FHDC1: variants seen among roughly 807,000 people sequenced by gnomAD.
The protein encoded by FHDC1 is FH2 domain-containing protein 1.
A neutral mutation model predicts 52.6 loss-of-function variants in FHDC1; 25 were observed. The ratio of observed to expected loss-of-function variants is 0.48; its 90% CI spans 0.35 to 0.66. FHDC1 has a LOEUF of 0.66. Among genes scored for constraint, FHDC1 ranks in the 30% least tolerant of loss-of-function variants. FHDC1 has a pLI of 0.01. For missense variants in FHDC1, 1,459 were observed against 1,452.8 expected (o/e 1.00, Z -0.07); for synonymous variants, 616 against 581.5 (o/e 1.06, Z -0.85).
intron 11 of FHDC1, among the ~76,000 whole-genome samples, chr4:152,974,357 TG>T (rs1319071908): frequency 1.3e-5 from 2 of 151,344 alleles, no homozygotes; most frequent in African/African-American, 4.8e-5. Context: ...AGCAGTGCCT[TG>T]GCTGGAAAGC....
intron 4 of FHDC1, 71 bp from the exon 5 acceptor site, chr4:152,960,494 T>A (rs917498928): frequency 7.8e-7 from 1 of 1,276,180 alleles, no homozygotes; most frequent in Non-Finnish European, 1.1e-6. Flanking sequence ...AATTGGAAGA[T>A]GAAATTTAAA....
chr4:152,917,239 G>A, the FHDC1 span, among the ~76,000 whole-genome samples: 2 of 152,032 alleles, frequency 1.3e-5, no homozygotes, highest in African/African-American at 4.8e-5. Flanking sequence ...TTGTAAATTA[G>A]CATATACTAC....
chr4:152,946,758 T>C (rs1739745482), intron 2 of FHDC1, among the ~76,000 whole-genome samples: 1 of 152,148 alleles, frequency 6.6e-6, no homozygotes, highest in African/African-American at 2.4e-5. Flanking sequence ...CCTTGAAATA[T>C]CATAACCTCC....
intron 6 of FHDC1, 21 bp from the exon 7 acceptor site, chr4:152,962,793 G>A (rs1740316874): frequency 6.2e-7 from 1 of 1,608,974 alleles, no homozygotes; most frequent in Non-Finnish European, 8.5e-7. Flanking sequence ...CTAAGGTGCT[G>A]TGATGTGTTC....
Position 152,975,835 on chromosome 4 carries a change from G to A in FHDC1, c.2544G>A (p.Leu848=), listed in dbSNP as rs779914313. 1 of 1,518,540 alleles carries A rather than the reference G, an allele frequency of 6.6e-7. No homozygotes were observed. The highest frequency in any genetic ancestry group is 8.8e-7 in the Non-Finnish European group (1 of 1,134,976). The allele number at this position is 1,518,540 out of a possible 1,614,324, so 94.1% of individuals were successfully genotyped here. A position where few individuals can be genotyped will look rare whatever the true frequency, so the allele number is the denominator to read the frequency against. ...GTGAGCCCAGCTGCAAGGGCGGCCT[G>A]CCCAGGGACAAACCCACCAAAAGGA... ...VDSEPSCKGG[L]PRDKPTKRKD... is the part of the protein sequence containing the mutation. The change falls in exon 12 of 12, where the codon CTG becomes CTA. Residue 848 remains leucine (L), a synonymous_variant. Transcript: ENST00000511601.
chr4:152,926,015 AG>A, the FHDC1 span, among the ~76,000 whole-genome samples: 1 of 152,118 alleles, frequency 6.6e-6, no homozygotes, highest in South Asian at 2.1e-4. Context: ...GGAAAAACAG[AG>A]GTTTCTCCCC....
intron 11 of FHDC1, 85 bp downstream of exon 11, chr4:152,972,626 A>G: frequency 6.9e-7 from 1 of 1,446,142 alleles, no homozygotes; most frequent in Non-Finnish European, 9.2e-7. Context: ...CACCACAGAA[A>G]GGCACTTTGC....
At chr4:152,967,866 A>G (rs2149956972) in intron 9 of FHDC1, 114 bp from the exon 10 acceptor site, 2 of 713,224 alleles carry the variant, frequency 2.8e-6, no homozygotes, top group Middle Eastern at 3.3e-4. Context: ...ATATCATCAC[A>G]GTAGCTCTCC....
At chr4:152,956,553 T>C (rs1740090347) in intron 4 of FHDC1, among the ~76,000 whole-genome samples, 1 of 152,168 alleles carries the variant, frequency 6.6e-6, no homozygotes, top group Non-Finnish European at 1.5e-5. Context: ...TGTGGGGGTA[T>C]AATTCAAAAG....
chr4:152,954,669 AGAGT>A (rs35192817), intron 4 of FHDC1, among the ~76,000 whole-genome samples: 7,664 of 152,100 alleles, frequency 0.05, 329 homozygotes, highest in East Asian at 0.12. Context: ...CCTGGGCAAC[AGAGT>A]GAGAATCTGT....
At chr4:152,949,176 A>C (rs986609685) in intron 2 of FHDC1, among the ~76,000 whole-genome samples, 5 of 147,038 alleles carry the variant, frequency 3.4e-5, no homozygotes, top group Non-Finnish European at 4.5e-5. Flanking sequence ...GAAGAAGCAG[A>C]AGAAGAAAAT....
At position 152,954,279 on chromosome 4, in the gene FHDC1, C is replaced by G; in HGVS notation, c.623C>G (p.Thr208Ser). ...QGKSEHYGSE[T>S]LREFLKFLPE... is the part of the protein sequence containing the mutation. ...AAAAGTGAGCATTATGGATCAGAGA[C>G]CTTGCGAGAATTTCTTAAGTTTTTG... The change falls in exon 4 of 12, where the codon ACC (threonine) becomes AGC (serine). Residue 208 changes from threonine to serine, a missense_variant. Physicochemically the swap from Thr to Ser is moderately conservative, Grantham distance 58 (BLOSUM62 1). Transcript: ENST00000511601. 6.2e-7 allele frequency: 1 copy of G among 1,614,118 alleles called. No individual in the cohort carries two copies. The highest frequency in any genetic ancestry group is 2.2e-5 in the East Asian group (1 of 44,882).
chr4:152,975,975 C>T lies in FHDC1; in HGVS notation c.2684C>T (p.Thr895Ile). The T allele has an allele frequency of 6.6e-7, 1 of 1,522,776 alleles. No individual in the cohort carries two copies. The highest frequency in any genetic ancestry group is 8.8e-7 in the Non-Finnish European group (1 of 1,137,568). The allele number at this position is 1,522,776 out of a possible 1,614,324, so 94.3% of individuals were successfully genotyped here. A position where few individuals can be genotyped will look rare whatever the true frequency, so the allele number is the denominator to read the frequency against. ...GAVAKSVRTLTASENESMRKV... is the reference protein window; with the variant it reads ...GAVAKSVRTLIASENESMRKV... Reference sequence around the variant, plus strand: ...GTGGCCAAGTCTGTGCGGACCCTGACCGCCTCAGAGAACGAGAGCATGCGC... The same window carrying T: ...GTGGCCAAGTCTGTGCGGACCCTGATCGCCTCAGAGAACGAGAGCATGCGC... The change falls in exon 12 of 12, where the codon ACC becomes ATC. Residue 895 changes from threonine to isoleucine, a missense_variant. Thr to Ile is a moderately conservative substitution (Grantham distance 89). Transcript: ENST00000511601.
Position 152,974,931 on chromosome 4 carries a change from C to T in FHDC1, c.1640C>T (p.Ala547Val), listed in dbSNP as rs371051725. 3 of 1,612,252 alleles carry T rather than the reference C, an allele frequency of 1.9e-6. No homozygotes were observed. Among genetic ancestry groups the T allele is most frequent in the Non-Finnish European group, 2.5e-6 (3 of 1,179,860 alleles). Residue 547 changes from alanine to valine, a missense_variant, in exon 12 of 12, where the codon GCT (alanine) becomes GTT (valine). Ala to Val is a moderately conservative substitution (Grantham distance 64). This residue lies in a region of FHDC1 where 939 missense variants were observed against 854.5 expected (regional missense o/e 1.10). Transcript: ENST00000511601. ...TCCCGCCTCTCCCTGGGTCCCTCTG[C>T]TGACCGGGAGCTGCTGACCTTCTTG... ...RRSRLSLGPS[A>V]DRELLTFLES...
At chr4:152,922,858 C>T in the FHDC1 span, among the ~76,000 whole-genome samples, 55 of 151,228 alleles carry the variant, frequency 3.6e-4, 1 homozygote, top group East Asian at 9.3e-3. Context: ...GGACATATCT[C>T]AAAATAATAA....
chr4:152,971,981 T>C (rs1236374801), intron 10 of FHDC1, among the ~76,000 whole-genome samples: 2 of 152,070 alleles, frequency 1.3e-5, no homozygotes, highest in Non-Finnish European at 2.9e-5. Flanking sequence ...TAAAGTAAAC[T>C]CTTGACCAGT....
At position 152,976,211 on chromosome 4, in the gene FHDC1, C is replaced by G; in HGVS notation, c.2920C>G (p.Pro974Ala). 6.2e-7 allele frequency: 1 copy of G among 1,612,952 alleles called. No homozygotes were observed. The highest frequency in any genetic ancestry group is 8.5e-7 in the Non-Finnish European group (1 of 1,179,848). ...CAGCACCCGTCCGGGGAGGGACGTT[C>G]CCCTGCAGCCCAGGGGTTCTTTCAA... Reference protein sequence around the residue: ...SSSTRPGRDVPLQPRGSFKKP... With the variant: ...SSSTRPGRDVALQPRGSFKKP... The change falls in exon 12 of 12, where the codon CCC becomes GCC. Residue 974 changes from proline (P) to alanine (A), a missense_variant. This residue lies in a region of FHDC1 where 939 missense variants were observed against 854.5 expected (regional missense o/e 1.10). Transcript: ENST00000511601.
intron 4 of FHDC1, among the ~76,000 whole-genome samples, chr4:152,960,280 T>C (rs1043101218): frequency 6.6e-6 from 1 of 152,192 alleles, no homozygotes; most frequent in African/African-American, 2.4e-5. Context: ...TTTGTAACCT[T>C]CCTGAGGATT....
At chr4:152,943,656 T>C in intron 2 of FHDC1, 101 bp downstream of exon 2, 1 of 1,364,382 alleles carries the variant, frequency 7.3e-7, no homozygotes, top group South Asian at 1.4e-5. Flanking sequence ...CCCTAAGAAA[T>C]GAGATAATAC....
Sources: gnomAD v4.1 joint callset for allele counts (sites outside exome capture counted in the v4.1 genomes callset) on GRCh38, gnomAD v4.1.1 for gene constraint, gnomAD v4.1.1 regional missense constraint, MANE v1.5 for transcripts, NCBI Gene and HGNC (gene_info 2026-07-23, HGNC 2026-07-21) for gene names.